KDM4C: variants seen among roughly 807,000 people sequenced by gnomAD.
KDM4C encodes the protein lysine-specific demethylase 4C.
A neutral mutation model predicts 129.3 loss-of-function variants in KDM4C; 81 were observed. The ratio of observed to expected loss-of-function variants is 0.63; its 90% CI spans 0.52 to 0.75. KDM4C has a LOEUF of 0.75. Among genes scored for constraint, KDM4C ranks in the 30% least tolerant of loss-of-function variants. KDM4C has a pLI of 0.00. For missense variants in KDM4C, 1,457 were observed against 1,304.0 expected, an observed-to-expected ratio of 1.12 and a Z score of -1.81; for synonymous variants, 573 against 456.1, an observed-to-expected ratio of 1.26 and a Z score of -3.26.
chr9:6,721,234 TG>T (rs142223196), intron 1 of KDM4C: 26,933 of 171,652 alleles, frequency 0.16, 2,861 homozygotes, highest in South Asian at 0.32. Flanking sequence ...CCACTATGCC[TG>T]GCTTTTTTTT....
At chr9:7,115,053 C>T (rs1257290006) in intron 18 of KDM4C, among the ~76,000 whole-genome samples, 2 of 152,098 alleles carry the variant, frequency 1.3e-5, no homozygotes, top group African/African-American at 2.4e-5. Flanking sequence ...CACTGCAATA[C>T]AGCCTGGGTG....
At chr9:7,006,855 TA>T (rs537099787) in intron 12 of KDM4C, among the ~76,000 whole-genome samples, 13 of 152,150 alleles carry the variant, frequency 8.5e-5, no homozygotes, top group East Asian at 7.7e-4. Flanking sequence ...AATACTACTA[TA>T]AAAAAAATTT....
At chr9:6,993,526 A>G (rs938286607) in intron 12 of KDM4C, among the ~76,000 whole-genome samples, 2 of 152,174 alleles carry the variant, frequency 1.3e-5, no homozygotes, top group African/African-American at 2.4e-5. Flanking sequence ...CATCCAGGAT[A>G]TGTACGTATT....
chr9:7,035,879 G>C (rs778521072), intron 15 of KDM4C, among the ~76,000 whole-genome samples: 13 of 152,088 alleles, frequency 8.5e-5, no homozygotes, highest in Non-Finnish European at 1.8e-4. Context: ...GCTGTTGTTG[G>C]TTACTACAGC....
chr9:7,050,050 T>C (rs919614016), intron 17 of KDM4C, among the ~76,000 whole-genome samples: 10 of 152,080 alleles, frequency 6.6e-5, no homozygotes, highest in African/African-American at 2.2e-4. Flanking sequence ...TGTTGCTTGT[T>C]TTCCCACTGC....
At chr9:7,159,495 C>T (rs1236052025) in intron 19 of KDM4C, among the ~76,000 whole-genome samples, 3 of 152,164 alleles carry the variant, frequency 2.0e-5, no homozygotes, top group Non-Finnish European at 4.4e-5. Flanking sequence ...ATGTGTGGTG[C>T]TTCCCTCAGG....
At chr9:7,070,951 A>C (rs1254831222) in intron 17 of KDM4C, among the ~76,000 whole-genome samples, 1 of 152,210 alleles carries the variant, frequency 6.6e-6, no homozygotes, top group Non-Finnish European at 1.5e-5. Flanking sequence ...AAAAAAAGCT[A>C]ATAAAACCTA....
At position 7,169,904 on chromosome 9, in the gene KDM4C, G is replaced by T; in HGVS notation, c.2994+14G>T. The T allele has an allele frequency of 6.2e-7, 1 of 1,613,838 alleles. No individual in the cohort carries two copies. Among genetic ancestry groups the T allele is most frequent in the Non-Finnish European group, 8.5e-7 (1 of 1,179,820 alleles). On this transcript the variant is annotated intron_variant, in intron 21 of 21. Coordinates refer to ENST00000381309, the MANE Select transcript of KDM4C (RefSeq NM_015061.6). ...AAAGCTCGATTTGTAAGTGCTGGCA[G>T]ATGCCACTTGGGGACCTGCCAAGTG...
chr9:6,778,367 G>A (rs950589089), intron 1 of KDM4C, among the ~76,000 whole-genome samples: 2 of 151,532 alleles, frequency 1.3e-5, no homozygotes, highest in Non-Finnish European at 2.9e-5. Flanking sequence ...TGGGATTATG[G>A]GCATGAGCCA....
intron 4 of KDM4C, among the ~76,000 whole-genome samples, chr9:6,817,096 A>T (rs543192621): frequency 6.6e-6 from 1 of 152,074 alleles, no homozygotes; most frequent in Admixed American, 6.5e-5. Context: ...ATTGAAGGAT[A>T]TATGATTGAA....
chr9:6,802,032 G>C (rs913623637), intron 2 of KDM4C, among the ~76,000 whole-genome samples: 2 of 151,738 alleles, frequency 1.3e-5, no homozygotes, highest in Non-Finnish European at 2.9e-5. Flanking sequence ...TTGAACCCAG[G>C]AGGTGGAGGT....
Position 7,101,168 on chromosome 9 carries a change from A to G in KDM4C, c.2425-2517A>G, listed in dbSNP as rs796824363. ...CCAGGCATGATTCATTAATTGTAGCATGCCTATTCATGTTATTCTAGTGCC... is the reference window on the plus strand; with the variant it reads ...CCAGGCATGATTCATTAATTGTAGCGTGCCTATTCATGTTATTCTAGTGCC... On this transcript the variant is annotated intron_variant, in intron 17 of 21. Coordinates refer to ENST00000381309, the MANE Select transcript of KDM4C (RefSeq NM_015061.6). Among the ~76,000 whole-genome samples the G allele has an allele frequency of 3.9e-5, 6 of 152,162 alleles. No individual in the cohort carries two copies. In the East Asian group the frequency reaches 1.2e-3, roughly 29 times the overall value.
intron 8 of KDM4C, among the ~76,000 whole-genome samples, chr9:6,979,496 T>C (rs1816393467): frequency 6.6e-6 from 1 of 152,186 alleles, no homozygotes; most frequent in Non-Finnish European, 1.5e-5. Flanking sequence ...GTTGACTTGC[T>C]GTGGGAGAGA....
At chr9:6,966,963 C>T (rs1831087324) in intron 8 of KDM4C, among the ~76,000 whole-genome samples, 1 of 152,154 alleles carries the variant, frequency 6.6e-6, no homozygotes. Context: ...TTAAAAACTG[C>T]TGCTCACCAA....
At chr9:6,805,990 A>G (rs955576247) in intron 3 of KDM4C, among the ~76,000 whole-genome samples, 8 of 152,308 alleles carry the variant, frequency 5.3e-5, no homozygotes, top group Middle Eastern at 3.4e-3. Flanking sequence ...CGTTCCTAGC[A>G]GTTATAAGTG....
intron 1 of KDM4C, among the ~76,000 whole-genome samples, chr9:6,777,654 CTT>C (rs1823368685): frequency 6.6e-6 from 1 of 151,960 alleles, no homozygotes; most frequent in Admixed American, 6.6e-5. Context: ...TTTTTTGAGA[CTT>C]AGTCTTGCTC....
In KDM4C at chr9:7,103,583, T is replaced by G. The variant is rs529457623; in HGVS notation, c.2425-102T>G. On this transcript the variant is annotated intron_variant, in intron 17 of 21. Coordinates refer to ENST00000381309, the MANE Select transcript of KDM4C (RefSeq NM_015061.6). ...GGACTTGTTGATGTAATCAGTTGTT[T>G]TTTTTTTTTTTTCTTCTCTAGTAGC... is the stretch of plus-strand genomic sequence containing the variant. 2.2e-5 allele frequency: 19 copies of G among 848,094 alleles called. No homozygotes were observed. In the East Asian group the frequency reaches 2.5e-4, roughly 11 times the overall value. 52.5% of individuals were successfully genotyped at this position (848,094 alleles called of 1,614,324 possible). A position where few individuals can be genotyped will look rare whatever the true frequency, so the allele number is the denominator to read the frequency against.
chr9:6,875,369 A>G (rs956676435), intron 5 of KDM4C, among the ~76,000 whole-genome samples: 1 of 152,196 alleles, frequency 6.6e-6, no homozygotes, highest in Non-Finnish European at 1.5e-5. Context: ...TGATACAACA[A>G]GAGAGGGAGT....
chr9:7,011,232 A>G (rs545033210), intron 12 of KDM4C, among the ~76,000 whole-genome samples: 45 of 152,356 alleles, frequency 3.0e-4, no homozygotes, highest in Middle Eastern at 3.4e-3. Flanking sequence ...ATTTAATTCA[A>G]TGAAGTTCAG....
Sources: gnomAD v4.1 joint callset for allele counts (sites outside exome capture counted in the v4.1 genomes callset) on GRCh38, gnomAD v4.1.1 for gene constraint, MANE v1.5 for transcripts, NCBI Gene and HGNC (gene_info 2026-07-23, HGNC 2026-07-21) for gene names.